BANP: variants seen among roughly 807,000 people sequenced by gnomAD.
BANP encodes the protein protein BANP.
BANP carries 11 observed loss-of-function variants against 68.1 expected under a neutral mutation model. The ratio of observed to expected loss-of-function variants is 0.16; its 90% CI spans 0.10 to 0.27. The LOEUF (loss-of-function observed/expected upper bound fraction) is 0.27, where lower values mean the gene tolerates loss of function less well. Ranked by LOEUF, BANP falls within the 10% of genes least tolerant of loss-of-function variation. The pLI, the probability that BANP is intolerant of heterozygous loss-of-function variation, is 1.00. For synonymous variants in BANP, 329 were observed against 303.2 expected (o/e 1.09, Z -0.88); for missense variants, 504 against 722.7 (o/e 0.70, Z 3.47).
chr16:88,015,086 CTGT>C (rs879460049), intron 6 of BANP, among the ~76,000 whole-genome samples: 8,711 of 144,632 alleles, frequency 0.06, 361 homozygotes, highest in African/African-American at 0.12. Flanking sequence ...TCTCCTCTGC[CTGT>C]CCCCTCTGCC....
intron 11 of BANP, among the ~76,000 whole-genome samples, chr16:88,053,400 C>T (rs1008744370): frequency 6.6e-6 from 1 of 151,878 alleles, no homozygotes; most frequent in African/African-American, 2.4e-5. Context: ...TCATCACCAT[C>T]ACCAACACAA....
chr16:88,022,085 A>G (rs60181778), intron 7 of BANP, among the ~76,000 whole-genome samples: 35,442 of 151,988 alleles, frequency 0.23, 4,882 homozygotes, highest in East Asian at 0.59. Context: ...CAGCTAACCA[A>G]ATTTGTGTGT....
intron 4 of BANP, among the ~76,000 whole-genome samples, chr16:87,987,643 C>T (rs2064782848): frequency 7.7e-6 from 1 of 129,960 alleles, no homozygotes; most frequent in South Asian, 2.4e-4. Flanking sequence ...ATTGCTTGAG[C>T]CTGGGAGGGT....
chr16:88,049,975 A>G (rs575446979), intron 11 of BANP, among the ~76,000 whole-genome samples: 1 of 152,272 alleles, frequency 6.6e-6, no homozygotes, highest in African/African-American at 2.4e-5. Context: ...GTATAATATG[A>G]TATTCTTCCA....
chr16:87,985,133 G>A (rs1056682640), intron 4 of BANP, among the ~76,000 whole-genome samples: 2 of 152,230 alleles, frequency 1.3e-5, no homozygotes, highest in East Asian at 1.9e-4. Flanking sequence ...GGTGGCTGGC[G>A]CTGGGTTAGG....
intron 7 of BANP, among the ~76,000 whole-genome samples, chr16:88,022,482 C>T (rs184276939): frequency 1.7e-4 from 26 of 152,356 alleles, no homozygotes; most frequent in Admixed American, 4.6e-4. Flanking sequence ...TAGTTCTTTT[C>T]AAATCATTCA....
At position 88,032,001 on chromosome 16, in the gene BANP, A is replaced by G. The variant is rs1371178527; in HGVS notation, c.1064-1108A>G. Among the ~76,000 whole-genome samples, 4 of 151,914 alleles carry G rather than the reference A, an allele frequency of 2.6e-5. No homozygotes were observed. The East Asian group carries it at 7.8e-4, about 29-fold the overall frequency. On this transcript the variant is annotated intron_variant, in intron 8 of 13. Coordinates refer to ENST00000682872, the MANE Select transcript of BANP (RefSeq NM_001386991.1). ...TGTATTTTTAGTAGAGACGGGGTTC[A>G]CCATGTTGGTCAGGCTGGTCTCGAA...
intron 11 of BANP, among the ~76,000 whole-genome samples, chr16:88,049,335 T>A (rs1388123518): frequency 6.6e-6 from 1 of 152,174 alleles, no homozygotes; most frequent in African/African-American, 2.4e-5. Flanking sequence ...CTACATAGGC[T>A]ACGGGTGTGG....
Position 88,076,736 on chromosome 16 carries a change from C to T in BANP, c.*75C>T. The stretch of plus-strand genomic sequence containing the variant: ...GCCCCCACGCGCCCTGCTCTCACGG[C>T]CTCGGCACAGGCAGCGGCTGCACGT... On this transcript the variant is annotated 3_prime_UTR_variant, in exon 14 of 14. Transcript: ENST00000682872. The T allele has an allele frequency of 7.9e-7, 1 of 1,270,662 alleles. No homozygotes were observed. The highest frequency in any genetic ancestry group is 1.1e-6 in the Non-Finnish European group (1 of 924,126). The allele number at this position is 1,270,662 out of a possible 1,614,324, so 78.7% of individuals were successfully genotyped here. A position where few individuals can be genotyped will look rare whatever the true frequency, so the allele number is the denominator to read the frequency against.
Position 88,065,151 on chromosome 16 carries a change from C to T in BANP, c.1312-116C>T, listed in dbSNP as rs990627332. Reference sequence around the variant, plus strand: ...GGCTGCCATAACAAACGACCACAGACCCCGTGGCTTTACCGGAGGGCAGAA... The same window carrying T: ...GGCTGCCATAACAAACGACCACAGATCCCGTGGCTTTACCGGAGGGCAGAA... On this transcript the variant is annotated intron_variant, in intron 11 of 13. Transcript: ENST00000682872. 7.8e-5 allele frequency: 46 copies of T among 586,476 alleles called. No homozygotes were observed. The East Asian group carries it at 1.3e-3, about 17-fold the overall frequency. The allele number at this position is 586,476 out of a possible 1,614,324, so 36.3% of individuals were successfully genotyped here.
intron 4 of BANP, among the ~76,000 whole-genome samples, chr16:88,001,355 C>T (rs978347032): frequency 2.0e-4 from 30 of 151,776 alleles, no homozygotes; most frequent in African/African-American, 6.8e-4. Context: ...TCCATGCACG[C>T]ACGTGCGTGG....
intron 4 of BANP, among the ~76,000 whole-genome samples, chr16:87,987,568 A>G (rs912815013): frequency 1.3e-5 from 2 of 151,838 alleles, no homozygotes; most frequent in African/African-American, 4.8e-5. Context: ...GCACAAAAAA[A>G]TAAAAAAAAT....
chr16:88,056,770 A>G (rs1422313400), intron 11 of BANP, among the ~76,000 whole-genome samples: 1 of 152,202 alleles, frequency 6.6e-6, no homozygotes, highest in East Asian at 1.9e-4. Context: ...TTAAAAGGTT[A>G]TTCATTTCTT....
chr16:87,996,123 G>C (rs1786813265), intron 4 of BANP, among the ~76,000 whole-genome samples: 1 of 152,188 alleles, frequency 6.6e-6, no homozygotes, highest in Non-Finnish European at 1.5e-5. Context: ...GTGATCATTT[G>C]TGCCCAGGCA....
intron 4 of BANP, among the ~76,000 whole-genome samples, chr16:87,995,827 C>T (rs754511537): frequency 1.3e-5 from 2 of 152,236 alleles, no homozygotes; most frequent in East Asian, 3.8e-4. Flanking sequence ...CTCGGCGGGG[C>T]GCCAAGGGGA....
At chr16:88,047,914 C>A (rs1246695900) in intron 11 of BANP, among the ~76,000 whole-genome samples, 2 of 152,218 alleles carry the variant, frequency 1.3e-5, no homozygotes, top group Non-Finnish European at 2.9e-5. Context: ...AAGATTCTAT[C>A]TGAATTTAAC....
intron 7 of BANP, among the ~76,000 whole-genome samples, chr16:88,021,168 C>T (rs2075964737): frequency 6.6e-6 from 1 of 152,228 alleles, no homozygotes; most frequent in South Asian, 2.1e-4. Context: ...TCGGGGCCAT[C>T]CTCCAGACAG....
intron 11 of BANP, among the ~76,000 whole-genome samples, chr16:88,052,580 C>G (rs1191565454): frequency 1.3e-5 from 2 of 151,950 alleles, no homozygotes; most frequent in East Asian, 3.8e-4. Context: ...ACTACCACTG[C>G]CAACACAACC....
At chr16:88,034,769 G>A (rs934102800) in intron 9 of BANP, among the ~76,000 whole-genome samples, 6 of 152,060 alleles carry the variant, frequency 3.9e-5, no homozygotes, top group African/African-American at 1.5e-4. Flanking sequence ...GGGACCTATT[G>A]CTCCTTTGTG....
Sources: gnomAD v4.1 joint callset for allele counts (sites outside exome capture counted in the v4.1 genomes callset) on GRCh38, gnomAD v4.1.1 for gene constraint, MANE v1.5 for transcripts, NCBI Gene and HGNC (gene_info 2026-07-23, HGNC 2026-07-21) for gene names.